WWOX: variants seen among roughly 807,000 people sequenced by gnomAD.
WWOX encodes WW domain-containing oxidoreductase.
Under a neutral mutation model 46.2 loss-of-function variants are expected in WWOX, and 69 were observed. The observed-to-expected ratio is 1.49, with a 90% confidence interval of 1.23 to 1.82. The LOEUF (loss-of-function observed/expected upper bound fraction) is 1.82, where lower values mean the gene tolerates loss of function less well. Among genes scored for constraint, WWOX ranks in the 40% most tolerant of loss-of-function variants. The pLI is 0.00. For synonymous variants in WWOX, 359 were observed against 202.6 expected (o/e 1.77, Z -6.56); for missense variants, 919 against 542.6 (o/e 1.69, Z -6.89).
At chr16:78,921,747 G>C (rs1051867879) in intron 8 of WWOX, among the ~76,000 whole-genome samples, 15 of 152,198 alleles carry the variant, frequency 9.9e-5, no homozygotes, top group Non-Finnish European at 1.9e-4. Context: ...ACTGTGAGGA[G>C]TAAGGGGTAA....
At chr16:78,873,588 G>T (rs2044172563) in intron 8 of WWOX, 1 of 151,900 alleles carries the variant, frequency 6.6e-6, no homozygotes, top group South Asian at 2.1e-4. Flanking sequence ...GGAGTTGGAG[G>T]CTAGCCTGGG....
chr16:78,442,159 G>C (rs1366200314), intron 8 of WWOX, among the ~76,000 whole-genome samples: 1 of 151,862 alleles, frequency 6.6e-6, no homozygotes, highest in East Asian at 1.9e-4. Context: ...AAAATTATAT[G>C]TATTCGTGGT....
intron 8 of WWOX, among the ~76,000 whole-genome samples, chr16:78,941,773 G>T (rs1038944363): frequency 5.9e-5 from 9 of 152,014 alleles, no homozygotes; most frequent in Non-Finnish European, 7.4e-5. Flanking sequence ...TTTTAAAAAA[G>T]GTATCATAAT....
chr16:78,461,955 C>G (rs554521054), intron 8 of WWOX, among the ~76,000 whole-genome samples: 1 of 152,300 alleles, frequency 6.6e-6, no homozygotes, highest in South Asian at 2.1e-4. Context: ...CAGCAGTATC[C>G]CAATGGAAGG....
chr16:78,195,516 C>T (rs1017700642), intron 5 of WWOX, among the ~76,000 whole-genome samples: 12 of 151,702 alleles, frequency 7.9e-5, no homozygotes, highest in Non-Finnish European at 1.8e-4. Flanking sequence ...AGGCTGGACA[C>T]ATTAGTGATT....
intron 8 of WWOX, among the ~76,000 whole-genome samples, chr16:78,466,044 T>G (rs1326748128): frequency 6.6e-6 from 1 of 152,082 alleles, no homozygotes; most frequent in Non-Finnish European, 1.5e-5. Context: ...TTTTTGTTTT[T>G]TTTTTGAGAC....
chr16:79,188,172 C>T (rs987619527), intron 8 of WWOX, among the ~76,000 whole-genome samples: 1 of 152,106 alleles, frequency 6.6e-6, no homozygotes, highest in Non-Finnish European at 1.5e-5. Context: ...TTGAGCTAAA[C>T]GAAGCAGAGA....
At chr16:79,085,879 C>T (rs573687429) in intron 8 of WWOX, among the ~76,000 whole-genome samples, 1 of 152,128 alleles carries the variant, frequency 6.6e-6, no homozygotes, top group South Asian at 2.1e-4. Context: ...GACCTCATCA[C>T]TACAAAAAAT....
intron 8 of WWOX, among the ~76,000 whole-genome samples, chr16:78,932,448 C>A (rs931331979): frequency 6.6e-6 from 1 of 152,158 alleles, no homozygotes; most frequent in Non-Finnish European, 1.5e-5. Context: ...TCACTTTGCC[C>A]CTCAAAATGT....
At chr16:78,360,115 A>C (rs1445607656) in intron 5 of WWOX, among the ~76,000 whole-genome samples, 1 of 152,238 alleles carries the variant, frequency 6.6e-6, no homozygotes, top group East Asian at 1.9e-4. Context: ...ATTAAAAACA[A>C]CGACAAAAAT....
intron 8 of WWOX, among the ~76,000 whole-genome samples, chr16:78,454,916 A>G (rs1392233742): frequency 6.6e-6 from 1 of 152,232 alleles, no homozygotes; most frequent in Admixed American, 6.5e-5. Context: ...GTTCTTTGGC[A>G]GTCACTGCCC....
chr16:79,135,718 T>G (rs1443879658), intron 8 of WWOX, among the ~76,000 whole-genome samples: 1 of 152,204 alleles, frequency 6.6e-6, no homozygotes, highest in Non-Finnish European at 1.5e-5. Flanking sequence ...AGATGCTGAT[T>G]TGGAGTATTA....
chr16:78,505,860 A>G (rs984307545), intron 8 of WWOX, among the ~76,000 whole-genome samples: 8 of 152,184 alleles, frequency 5.3e-5, no homozygotes, highest in African/African-American at 1.9e-4. Context: ...AGAGGACTCC[A>G]GGGCCATGGA....
At chr16:78,751,470 T>C (rs905263493) in intron 8 of WWOX, among the ~76,000 whole-genome samples, 15 of 143,878 alleles carry the variant, frequency 1.0e-4, no homozygotes, top group African/African-American at 3.1e-4. Context: ...TTTATATATA[T>C]ATATATATAT....
chr16:78,737,640 G>A (rs2049121690), intron 8 of WWOX, among the ~76,000 whole-genome samples: 1 of 152,016 alleles, frequency 6.6e-6, no homozygotes, highest in South Asian at 2.1e-4. Context: ...TTCTGCCTTT[G>A]CATCCTCATA....
At chr16:78,550,359 A>G (rs758851476) in intron 8 of WWOX, among the ~76,000 whole-genome samples, 2 of 152,190 alleles carry the variant, frequency 1.3e-5, no homozygotes, top group Non-Finnish European at 2.9e-5. Context: ...CTACTAAGCT[A>G]TCATGCATTA....
intron 8 of WWOX, among the ~76,000 whole-genome samples, chr16:79,105,431 T>C (rs866995726): frequency 6.6e-6 from 1 of 152,076 alleles, no homozygotes; most frequent in African/African-American, 2.4e-5. Flanking sequence ...CCTTCCCTTA[T>C]CCCTGTCCCT....
At chr16:78,934,936 C>T (rs1322910942) in intron 8 of WWOX, among the ~76,000 whole-genome samples, 1 of 152,104 alleles carries the variant, frequency 6.6e-6, no homozygotes, top group Non-Finnish European at 1.5e-5. Context: ...CCCATCTCTA[C>T]AAAGAATACA....
In WWOX at chr16:78,432,593, C is replaced by A; in HGVS notation, c.897C>A (p.Cys299Ter). The change falls in exon 8 of 9, where the codon TGC (cysteine) becomes TGA (stop). Residue 299 changes from cysteine to a stop codon, truncating the protein, a stop_gained. Coordinates refer to ENST00000566780, the MANE Select transcript of WWOX (RefSeq NM_016373.4). LOFTEE classifies it high-confidence loss of function. ...AMLAYNRSKLCNILFSNELHR... is the reference protein window; with the variant it reads ...AMLAYNRSKL Reference sequence around the variant, plus strand: ...TGGCTTATAACAGGTCCAAGCTCTGCAACATCCTCTTCTCCAACGAGCTGC... The same window carrying A: ...TGGCTTATAACAGGTCCAAGCTCTGAAACATCCTCTTCTCCAACGAGCTGC... The A allele has an allele frequency of 6.2e-7, 1 of 1,614,226 alleles. No individual in the cohort carries two copies. Among genetic ancestry groups the A allele is most frequent in the Non-Finnish European group, 8.5e-7 (1 of 1,180,036 alleles).
Sources: allele counts gnomAD v4.1 joint callset (sites outside exome capture counted in the v4.1 genomes callset), GRCh38; gene constraint gnomAD v4.1.1; transcripts MANE v1.5; gene names NCBI Gene and HGNC (gene_info 2026-07-23, HGNC 2026-07-21).